Variants in ARL14EP observed in about 807,000 individuals in gnomAD.
ARL14EP encodes the protein ARL14 effector protein.
Under a neutral mutation model 23.1 loss-of-function variants are expected in ARL14EP, and 12 were observed. The observed-to-expected ratio is 0.52, with a 90% CI of 0.33 to 0.84. The LOEUF is 0.84. Among genes scored for constraint, ARL14EP ranks in the 40% least tolerant of loss-of-function variants. The pLI is 0.02. For missense variants in ARL14EP, 253 were observed against 307.3 expected (o/e 0.82, Z 1.32); for synonymous variants, 97 against 102.0 (o/e 0.95, Z 0.29).
intron 1 of ARL14EP, among the ~76,000 whole-genome samples, chr11:30,326,678 C>T (rs1947237020): frequency 6.6e-6 from 1 of 152,168 alleles, no homozygotes; most frequent in South Asian, 2.1e-4. Flanking sequence ...ACAGTGACCA[C>T]TTAGGATCAG....
At chr11:30,333,711 C>G (rs145452740) in intron 3 of ARL14EP, among the ~76,000 whole-genome samples, 23 of 152,204 alleles carry the variant, frequency 1.5e-4, no homozygotes, top group Non-Finnish European at 2.6e-4. Flanking sequence ...TCTAAGTGTT[C>G]AAGTGAAAGG....
At chr11:30,330,760 A>C in intron 1 of ARL14EP, 126 bp from the exon 2 acceptor site, 1 of 602,000 alleles carries the variant, frequency 1.7e-6, no homozygotes, top group South Asian at 2.1e-5. Context: ...CTATTATAAG[A>C]CTTCGATAAA....
At chr11:30,323,741 G>T (rs931348741) in intron 1 of ARL14EP, among the ~76,000 whole-genome samples, 1 of 152,132 alleles carries the variant, frequency 6.6e-6, no homozygotes, top group Non-Finnish European at 1.5e-5. Context: ...CTCTTACAGG[G>T]TTGGGTTGGG....
At chr11:30,334,899 T>G (rs1445322589) in intron 3 of ARL14EP, among the ~76,000 whole-genome samples, 2 of 152,224 alleles carry the variant, frequency 1.3e-5, no homozygotes, top group Non-Finnish European at 2.9e-5. Flanking sequence ...GATAAATGTT[T>G]CATGCCTCCT....
Position 30,332,877 on chromosome 11 carries a change from T to C in ARL14EP, c.438T>C (p.Ala146=). The change falls in exon 3 of 4, where the codon GCT becomes GCC. Residue 146 remains alanine (A), a synonymous_variant. Transcript: ENST00000282032. The part of the protein sequence containing the change: ...KRKPESDGRT[A]KALRSLQFTN... Reference sequence around the variant, plus strand: ...TTACCTTTCTTCAGGGAAGAACTGCTAAAGCTTTGAGGTCATTACAATTTA... The same window carrying C: ...TTACCTTTCTTCAGGGAAGAACTGCCAAAGCTTTGAGGTCATTACAATTTA... The C allele has an allele frequency of 6.2e-7, 1 of 1,613,366 alleles. No homozygotes were observed. The highest frequency in any genetic ancestry group is 8.5e-7 in the Non-Finnish European group (1 of 1,179,490).
At chr11:30,336,414 G>A (rs963728245) in intron 3 of ARL14EP, among the ~76,000 whole-genome samples, 153 bp from the exon 4 acceptor site, 6 of 151,802 alleles carry the variant, frequency 4.0e-5, no homozygotes, top group East Asian at 1.9e-4. Flanking sequence ...TACTGCTGAC[G>A]ATAGAATAAG....
At position 30,337,707 on chromosome 11, in the gene ARL14EP, G is replaced by A. The variant is rs191952345; in HGVS notation, c.*912G>A. On this transcript the variant is annotated 3_prime_UTR_variant, in exon 4 of 4. Coordinates refer to ENST00000282032, the MANE Select transcript of ARL14EP (RefSeq NM_152316.3). Reference sequence around the variant, plus strand: ...ATATTTCACAACATTGAAAGCACAAGCAATAAAAGGGTGGAAGCTGACCCA... The same window carrying A: ...ATATTTCACAACATTGAAAGCACAAACAATAAAAGGGTGGAAGCTGACCCA... 1 of 151,978 alleles carries A rather than the reference G, an allele frequency of 6.6e-6. No individual in the cohort carries two copies. Among genetic ancestry groups the A allele is most frequent in the Non-Finnish European group, 1.5e-5 (1 of 68,004 alleles). 9.4% of individuals were successfully genotyped at this position (151,978 alleles called of 1,614,324 possible). A position where few individuals can be genotyped will look rare whatever the true frequency, so the allele number is the denominator to read the frequency against.
rs765765765 is a variant in ARL14EP at position 30,330,905 on chromosome 11, A to C, written c.-44A>C. The C allele has an allele frequency of 3.2e-6, 5 of 1,557,928 alleles. No homozygotes were observed. The African/African-American group carries it at 8.3e-5, about 26-fold the overall frequency. On this transcript the variant is annotated 5_prime_UTR_variant, in exon 2 of 4. It removes the in-frame stop codon of an upstream open reading frame in the 5' UTR. Coordinates refer to ENST00000282032, the MANE Select transcript of ARL14EP (RefSeq NM_152316.3). ...CTCTAGGGTGATCAGCCCATGACCT[A>C]AACCTCCAGACAAAATAAAACGGAA...
At chr11:30,334,760 A>C (rs192608131) in intron 3 of ARL14EP, among the ~76,000 whole-genome samples, 41 of 152,302 alleles carry the variant, frequency 2.7e-4, no homozygotes, top group Admixed American at 1.0e-3. Flanking sequence ...TGTTTACAGC[A>C]TTGTTCATTG....
At chr11:30,333,242 A>T (rs1219189988) in intron 3 of ARL14EP, among the ~76,000 whole-genome samples, 1 of 152,228 alleles carries the variant, frequency 6.6e-6, no homozygotes, top group Non-Finnish European at 1.5e-5. Context: ...AGTTAAAATA[A>T]TTACAATTAA....
At chr11:30,333,674 G>C (rs919071914) in intron 3 of ARL14EP, among the ~76,000 whole-genome samples, 2 of 152,022 alleles carry the variant, frequency 1.3e-5, no homozygotes, top group Non-Finnish European at 2.9e-5. Context: ...TATTGAAATT[G>C]GTCCAACTAA....
intron 3 of ARL14EP, among the ~76,000 whole-genome samples, chr11:30,334,793 G>C (rs1464773417): frequency 6.6e-6 from 1 of 152,168 alleles, no homozygotes; most frequent in Non-Finnish European, 1.5e-5. Context: ...CCACTTGAGA[G>C]ACCTCCTGCC....
At position 30,331,007 on chromosome 11, in the gene ARL14EP, C is replaced by G; in HGVS notation, c.59C>G (p.Thr20Ser). 15 of 1,613,886 alleles carry G rather than the reference C, an allele frequency of 9.3e-6. No homozygotes were observed. Among genetic ancestry groups the G allele is most frequent in the Non-Finnish European group, 1.2e-5 (14 of 1,179,804 alleles). ...QLRTTNECHKTYYTRHTGFKT... is the reference protein window; with the variant it reads ...QLRTTNECHKSYYTRHTGFKT... ...CGTACTACAAATGAGTGCCATAAAA[C>G]CTACTATACTCGTCACACAGGTTTT... is the stretch of plus-strand genomic sequence containing the variant. Residue 20 changes from threonine to serine, a missense_variant, in exon 2 of 4, where the codon ACC (threonine) becomes AGC (serine). Coordinates refer to ENST00000282032, the MANE Select transcript of ARL14EP (RefSeq NM_152316.3).
chr11:30,331,978 A>G (rs1281750469), intron 2 of ARL14EP, among the ~76,000 whole-genome samples: 1 of 152,040 alleles, frequency 6.6e-6, no homozygotes, highest in African/African-American at 2.4e-5. Flanking sequence ...ACATTTTTAC[A>G]TTGTAAAGTA....
intron 1 of ARL14EP, among the ~76,000 whole-genome samples, chr11:30,325,830 A>G (rs1055610032): frequency 1.5e-4 from 23 of 152,240 alleles, no homozygotes; most frequent in African/African-American, 5.3e-4. Context: ...CCACAGTCAG[A>G]CGGAAGTCCA....
At chr11:30,324,325 C>A (rs147819266) in intron 1 of ARL14EP, among the ~76,000 whole-genome samples, 2 of 152,134 alleles carry the variant, frequency 1.3e-5, no homozygotes, top group East Asian at 3.9e-4. Flanking sequence ...GACCTAAAAA[C>A]GAAGTAAATT....
At chr11:30,324,550 G>T (rs56340204) in intron 1 of ARL14EP, among the ~76,000 whole-genome samples, 52,684 of 151,786 alleles carry the variant, frequency 0.35, 9,740 homozygotes, top group East Asian at 0.6. Context: ...TTTGTTAGTG[G>T]TGGGGGGGGT....
intron 1 of ARL14EP, among the ~76,000 whole-genome samples, chr11:30,324,501 TTCCC>T (rs1258506824): frequency 6.6e-6 from 1 of 152,134 alleles, no homozygotes; most frequent in Admixed American, 6.5e-5. Context: ...TAATCCTCAA[TTCCC>T]TCTGCTGTTG....
intron 1 of ARL14EP, chr11:30,328,002 G>A (rs1379848176): frequency 2.0e-5 from 3 of 151,710 alleles, no homozygotes; most frequent in Non-Finnish European, 4.4e-5. Flanking sequence ...AAATAAGAAA[G>A]GTCAAAGCCA....
Sources: gnomAD v4.1 joint callset for allele counts (sites outside exome capture counted in the v4.1 genomes callset) on GRCh38, gnomAD v4.1.1 for gene constraint, MANE v1.5 for transcripts, NCBI Gene and HGNC (gene_info 2026-07-23, HGNC 2026-07-21) for gene names.